The following PNCK variants were observed in gnomAD, a reference collection of about 807,000 sequenced individuals.
PNCK encodes the protein pregnancy up-regulated nonubiquitous CaM kinase.
In PNCK, 21 loss-of-function variants were observed where a neutral mutation model predicts 28.3. The ratio of observed to expected loss-of-function variants is 0.74; its 90% CI spans 0.53 to 1.07. The LOEUF (loss-of-function observed/expected upper bound fraction) is 1.07, where lower values mean the gene tolerates loss of function less well. Ranked by LOEUF, PNCK falls within the 50% of genes least tolerant of loss-of-function variation. The probability of loss-of-function intolerance (pLI) is 0.00; values close to 1 mark genes in which losing one functional copy is unlikely to be tolerated. For missense variants in PNCK, 250 were observed against 298.3 expected, an observed-to-expected ratio of 0.84 and a Z score of 1.19; for synonymous variants, 136 against 125.2, an observed-to-expected ratio of 1.09 and a Z score of -0.58.
chrX:153,671,764 C>T, intron 5 of PNCK, 92 bp from the exon 6 acceptor site: 1 of 1,167,131 alleles, frequency 8.6e-7, no homozygotes, highest in Non-Finnish European at 1.1e-6. Context: ...CTCAGGTTCC[C>T]CAGAGCCTTG....
chrX:153,676,568 G>A (rs2091367121), upstream of PNCK, among the ~76,000 whole-genome samples: 1 of 112,025 alleles, frequency 8.9e-6, no homozygotes, highest in African/African-American at 3.2e-5. Context: ...GCCTTGCTAA[G>A]GAGATTAAAC....
chrX:153,685,213 G>GC (rs1462837564), intron 1 of PNCK, among the ~76,000 whole-genome samples: 1 of 110,786 alleles, frequency 9.0e-6, no homozygotes, highest in East Asian at 2.9e-4. Context: ...AGCAGCTGCT[G>GC]CCCCCGGGCC....
chrX:153,672,604 C>T lies in PNCK; in HGVS notation c.162G>A (p.Lys54=). The T allele has an allele frequency of 2.5e-6, 3 of 1,207,915 alleles. No homozygotes were observed. The highest frequency in any genetic ancestry group is 3.4e-6 in the Non-Finnish European group (3 of 895,465). ...CGATCTCGTTCTCCACCAGGGCCTC[C>T]TTGCCCCGGAGGGCCTTCTTGGGGA... ...KCIPKKALRG[K]EALVENEIAV... is the part of the protein sequence containing the mutation. The change falls in exon 3 of 12, where the codon AAG becomes AAA. Residue 54 remains lysine (K), a synonymous_variant. Coordinates refer to ENST00000340888, the MANE Select transcript of PNCK (RefSeq NM_001366977.1).
intron 2 of PNCK, 127 bp from the exon 3 acceptor site, chrX:153,672,824 AC>A: frequency 5.4e-6 from 5 of 920,733 alleles, no homozygotes; most frequent in Admixed American, 2.9e-5. Context: ...GCCCTGTGCC[AC>A]CCCCCACCAC....
chrX:153,677,633 G>A (rs782218128), upstream of PNCK, among the ~76,000 whole-genome samples: 10 of 98,806 alleles, frequency 1.0e-4, no homozygotes, highest in African/African-American at 3.9e-4. Flanking sequence ...TATATAGTGT[G>A]TATATATATA....
rs782574746 is a variant in PNCK, at chrX:153,672,655, G to A, written c.111C>T (p.Ser37=). ...TGCACTTGAGGGCCACGAGGTGTGC[G>A]GAGCCCCGCTCCTGGGCCAGCACCA... ...SEVVLAQERG[S]AHLVALKCIP... Residue 37 remains serine (S), a synonymous_variant, in exon 3 of 12, where the codon TCC becomes TCT. Transcript: ENST00000340888. 3.6e-5 allele frequency: 43 copies of A among 1,204,114 alleles called. No homozygotes were observed. In the South Asian group the frequency reaches 7.0e-4, roughly 20 times the overall value.
At chrX:153,681,680 G>A (rs1557042506) in intron 1 of PNCK, among the ~76,000 whole-genome samples, 1 of 111,990 alleles carries the variant, frequency 8.9e-6, no homozygotes. Flanking sequence ...AATAAACTAT[G>A]GGCTTTAGAT....
At chrX:153,675,987 C>CTTTTTTTTTTTTTTTTTTTT (rs59527995), upstream of PNCK, among the ~76,000 whole-genome samples, 3 of 79,960 alleles carry the variant, frequency 3.8e-5, no homozygotes, top group Admixed American at 1.3e-4. Flanking sequence ...TTTTTCTTTT[C>CTTTTTTTTTTTTTTTTTTTT]TTTTTTTTTT....
rs188707232 is a variant in PNCK, at chrX:153,670,711, G to A, written c.894+33C>T. On this transcript the variant is annotated intron_variant, in intron 10 of 11. Coordinates refer to ENST00000340888, the MANE Select transcript of PNCK (RefSeq NM_001366977.1). ...GATCAGGCTACAGCTGGGGTGCGGC[G>A]GGCGACCACACTGGGTCTCTCTCCA... 3.5e-3 allele frequency: 4,071 copies of A among 1,166,479 alleles called. 65 individuals carry two copies. In the African/African-American group the frequency reaches 0.053, roughly 15 times the overall value.
At chrX:153,685,235 G>T (rs889021819) in intron 1 of PNCK, among the ~76,000 whole-genome samples, 1 of 110,902 alleles carries the variant, frequency 9.0e-6, no homozygotes, top group Non-Finnish European at 1.9e-5. Flanking sequence ...AGCCTGACGC[G>T]CCTTGACAAA....
chrX:153,679,573 T>TTTTC (rs2091385669), upstream of PNCK, among the ~76,000 whole-genome samples: 2 of 89,631 alleles, frequency 2.2e-5, no homozygotes, highest in African/African-American at 9.0e-5. Flanking sequence ...TTTCTTTTTT[T>TTTTC]TTTTTTTTTT....
chrX:153,682,804 C>T (rs1557042623), intron 1 of PNCK, among the ~76,000 whole-genome samples: 1 of 112,498 alleles, frequency 8.9e-6, no homozygotes, highest in Non-Finnish European at 1.9e-5. Context: ...AGATCCACCT[C>T]CTGCCCACAA....
chrX:153,679,573 T>C (rs1251063866), upstream of PNCK, among the ~76,000 whole-genome samples: 4 of 89,631 alleles, frequency 4.5e-5, no homozygotes, highest in African/African-American at 4.5e-5. Context: ...TTTCTTTTTT[T>C]TTTTTTTTTT....
At chrX:153,673,905 C>A, upstream of PNCK, 1 of 931,547 alleles carries the variant, frequency 1.1e-6, no homozygotes. Flanking sequence ...AGTGGCCCAG[C>A]GCGGCCGCGG....
chrX:153,673,299 C>T, intron 1 of PNCK: 2 of 1,180,466 alleles, frequency 1.7e-6, no homozygotes, highest in East Asian at 6.2e-5. Context: ...ATCCCACGCA[C>T]CCTCCCCCGC....
Position 153,670,858 on chromosome X carries a change from G to C in PNCK, c.807-27C>G, listed in dbSNP as rs372476125. The C allele has an allele frequency of 1.3e-4, 157 of 1,208,837 alleles. No individual in the cohort carries two copies. The East Asian group carries it at 2.1e-3, about 16-fold the overall frequency. On this transcript the variant is annotated intron_variant, in intron 9 of 11. Coordinates refer to ENST00000340888, the MANE Select transcript of PNCK (RefSeq NM_001366977.1). Reference sequence around the variant, plus strand: ...TGGGGAAAGGCTGAAGGTCAGGGGGGGTCTCTCTGCAAATGCAGGCCCCCT... The same window carrying C: ...TGGGGAAAGGCTGAAGGTCAGGGGGCGTCTCTCTGCAAATGCAGGCCCCCT...
chrX:153,679,546 TTTTTCTTTTC>T (rs202177998), upstream of PNCK, among the ~76,000 whole-genome samples: 1 of 95,742 alleles, frequency 1.0e-5, no homozygotes, highest in Admixed American at 1.1e-4. Flanking sequence ...TGAGTTGGGA[TTTTTCTTTTC>T]TTTTCTTTTC....
At chrX:153,672,461 C>A (rs2091315282) in intron 3 of PNCK, 105 bp downstream of exon 3, 14 of 1,070,875 alleles carry the variant, frequency 1.3e-5, no homozygotes, top group Non-Finnish European at 1.6e-5. Flanking sequence ...AGAGCACTGC[C>A]CCAGGCCTCC....
chrX:153,672,209 G>C lies in PNCK; in HGVS notation c.201-9C>G. On this transcript the variant is annotated splice_polypyrimidine_tract_variant and intron_variant, in intron 3 of 11. Coordinates refer to ENST00000340888, the MANE Select transcript of PNCK (RefSeq NM_001366977.1). ...TGTTGGGGTGACTGATCCTGCAATG[G>C]CAAGGAAGCGCCTGTGGGCCAACAG... The C allele has an allele frequency of 8.4e-7, 1 of 1,196,436 alleles. No individual in the cohort carries two copies.
Sources: allele counts gnomAD v4.1 joint callset (sites outside exome capture counted in the v4.1 genomes callset), GRCh38; gene constraint gnomAD v4.1.1; transcripts MANE v1.5; gene names NCBI Gene and HGNC (gene_info 2026-07-23, HGNC 2026-07-21).